The following MYO16 variants were observed in gnomAD, a reference collection of about 807,000 sequenced individuals.
The protein encoded by MYO16 is myosin XVI.
Under a neutral mutation model 205.3 loss-of-function variants are expected in MYO16, and 94 were observed. That is an observed-to-expected ratio of 0.46 (90% CI 0.39 to 0.54). The LOEUF (loss-of-function observed/expected upper bound fraction) is 0.54. Ranked by LOEUF, MYO16 falls within the 20% of genes least tolerant of loss-of-function variation. The pLI, the probability that MYO16 is intolerant of heterozygous loss-of-function variation, is 0.00. For missense variants in MYO16, 2,315 were observed against 2,387.5 expected, an observed-to-expected ratio of 0.97 and a Z score of 0.63; for synonymous variants, 988 against 954.0, an observed-to-expected ratio of 1.04 and a Z score of -0.66.
At chr13:108,835,950 A>G (rs9521068) in intron 9 of MYO16, among the ~76,000 whole-genome samples, 86,374 of 151,980 alleles carry the variant, frequency 0.57, 26,486 homozygotes, top group Middle Eastern at 0.72. Flanking sequence ...TCTTGGGGAA[A>G]AATTCAAGCC....
chr13:108,714,135 C>T (rs979715961), intron 3 of MYO16, among the ~76,000 whole-genome samples: 1 of 152,156 alleles, frequency 6.6e-6, no homozygotes. Context: ...CGGCTCACTG[C>T]AAGCTCCGTC....
rs375563203 is a variant in MYO16 at position 108,921,230 on chromosome 13, T to C, written c.1925+11080T>C. On this transcript the variant is annotated intron_variant, in intron 16 of 34. Coordinates refer to ENST00000457511, the MANE Select transcript of MYO16 (RefSeq NM_001198950.3). ...TGTACCGGGCAACCCCAAGCCACCT[T>C]GTCCACCGGGCCTTCCTCTGGGTCT... 2.6e-4 allele frequency among the ~76,000 whole-genome samples: 40 copies of C among 152,294 alleles called. No individual in the cohort carries two copies. In the East Asian group the frequency reaches 5.2e-3, roughly 20 times the overall value.
In MYO16 at chr13:108,629,747, C is replaced by T; in HGVS notation, c.-98C>T. 3 of 1,164,040 alleles carry T rather than the reference C, an allele frequency of 2.6e-6. No homozygotes were observed. Among genetic ancestry groups the T allele is most frequent in the Non-Finnish European group, 3.7e-6 (3 of 821,062 alleles). The allele number at this position is 1,164,040 out of a possible 1,614,324, so 72.1% of individuals were successfully genotyped here. A position where few individuals can be genotyped will look rare whatever the true frequency, so the allele number is the denominator to read the frequency against. ...AGTGCATCCTGAGGTAAACTGTTAC[C>T]TGAGTAAGGGCTTTAAGTAATGCAT... is the stretch of plus-strand genomic sequence containing the variant. On this transcript the variant is annotated 5_prime_UTR_variant, in exon 1 of 35. Coordinates refer to ENST00000457511, the MANE Select transcript of MYO16 (RefSeq NM_001198950.3).
intron 8 of MYO16, among the ~76,000 whole-genome samples, chr13:108,820,733 C>T (rs1357299263): frequency 6.6e-6 from 1 of 152,152 alleles, no homozygotes; most frequent in East Asian, 1.9e-4. Context: ...TACATTTTTA[C>T]TGTTATTTAA....
chr13:108,682,781 G>A (rs1179712146), intron 2 of MYO16, among the ~76,000 whole-genome samples: 2 of 152,114 alleles, frequency 1.3e-5, no homozygotes, highest in African/African-American at 4.8e-5. Flanking sequence ...TGTCTGTTAA[G>A]AGGCCGTTTC....
rs370274433 is a variant in MYO16 at position 108,802,052 on chromosome 13, C to T, written c.742-4627C>T. Among the ~76,000 whole-genome samples, 3 of 152,316 alleles carry T rather than the reference C, an allele frequency of 2.0e-5. No individual in the cohort carries two copies. In the East Asian group the frequency reaches 5.8e-4, roughly 29 times the overall value. ...TACACTGTGAAATGATTAAATCACA[C>T]TAAGTTAACCTATCCACCACTTTTC... On this transcript the variant is annotated intron_variant, in intron 6 of 34. Transcript: ENST00000457511.
rs1279924817 is a variant in MYO16 at position 109,046,007 on chromosome 13, GCTCGCCCTCCCTCATGGCGGATC to G, written c.2797-867_2797-845del. Reference sequence around the variant, plus strand: ...AGGCAAATTCTCCCTCACGGCGGATGCTCGCCCTCCCTCATGGCGGATCCTCGCCCTCCCTCATGGCGGATCCT... The same window carrying G: ...AGGCAAATTCTCCCTCACGGCGGATGCTCGCCCTCCCTCATGGCGGATCCT... On this transcript the variant is annotated intron_variant, in intron 23 of 34. Transcript: ENST00000457511. Among the ~76,000 whole-genome samples, 351 of 151,816 alleles carry G rather than the reference GCTCGCCCTCCCTCATGGCGGATC, an allele frequency of 2.3e-3. No individual in the cohort carries two copies. The Middle Eastern group carries it at 0.024, about 10-fold the overall frequency.
the MYO16 span, among the ~76,000 whole-genome samples, chr13:108,516,174 C>T: frequency 1.3e-5 from 2 of 152,082 alleles, no homozygotes; most frequent in Admixed American, 6.5e-5. Flanking sequence ...GATATAGTCT[C>T]GTGGTGCGCC....
rs952555361 is a variant in MYO16, at chr13:108,886,591, C to T, written c.1554-1781C>T. 2.3e-5 allele frequency: 10 copies of T among 429,772 alleles called. No homozygotes were observed. In the East Asian group the frequency reaches 5.0e-4, roughly 21 times the overall value. The allele number at this position is 429,772 out of a possible 1,614,324, so 26.6% of individuals were successfully genotyped here. ...TTAGGGCGCAAACTGCTGGCGGCTCCACCCCCCGTCCTTCCAGTGCGCATG... is the reference window on the plus strand; with the variant it reads ...TTAGGGCGCAAACTGCTGGCGGCTCTACCCCCCGTCCTTCCAGTGCGCATG... On this transcript the variant is annotated intron_variant, in intron 13 of 34. Transcript: ENST00000457511.
intron 16 of MYO16, among the ~76,000 whole-genome samples, chr13:108,918,007 T>C (rs1881575303): frequency 6.6e-6 from 1 of 152,246 alleles, no homozygotes; most frequent in South Asian, 2.1e-4. Flanking sequence ...CTAACCAGCA[T>C]GGGGCAGAGT....
chr13:109,090,321 G>A (rs551278108), intron 27 of MYO16, among the ~76,000 whole-genome samples: 14 of 152,348 alleles, frequency 9.2e-5, no homozygotes, highest in East Asian at 3.9e-4. Context: ...AAAAGCCATC[G>A]CAAGATATAG....
upstream of MYO16, among the ~76,000 whole-genome samples, chr13:108,592,836 C>T (rs1878441400): frequency 6.6e-6 from 1 of 151,628 alleles, no homozygotes; most frequent in Non-Finnish European, 1.5e-5. Context: ...TACATGATGA[C>T]AATTATTGCT....
intron 1 of MYO16, among the ~76,000 whole-genome samples, chr13:108,637,683 T>C (rs760297505): frequency 2.0e-5 from 3 of 152,056 alleles, no homozygotes; most frequent in Non-Finnish European, 2.9e-5. Context: ...GAGACCAGCC[T>C]GACCAACATG....
intron 27 of MYO16, among the ~76,000 whole-genome samples, chr13:109,098,450 A>T (rs760330990): frequency 1.3e-5 from 2 of 152,160 alleles, no homozygotes. Context: ...GAGGTGGTAG[A>T]TGGTTGGCAA....
intron 1 of MYO16, among the ~76,000 whole-genome samples, chr13:108,620,117 A>C (rs1238004603): frequency 6.6e-6 from 1 of 152,148 alleles, no homozygotes; most frequent in African/African-American, 2.4e-5. Context: ...ATTAGTACCC[A>C]CTACATTGTT....
At chr13:108,568,574 C>G in the MYO16 span, among the ~76,000 whole-genome samples, 1 of 152,016 alleles carries the variant, frequency 6.6e-6, no homozygotes, top group East Asian at 1.9e-4. Context: ...TTTATATGTC[C>G]TGGATAGCAG....
intron 32 of MYO16, among the ~76,000 whole-genome samples, chr13:109,147,669 T>C (rs1877409061): frequency 6.6e-6 from 1 of 152,072 alleles, no homozygotes; most frequent in African/African-American, 2.4e-5. Context: ...CAGTGATTTA[T>C]TTGTGTGTGG....
At chr13:108,813,710 CTCTT>C (rs779922676) in intron 7 of MYO16, among the ~76,000 whole-genome samples, 125 of 152,274 alleles carry the variant, frequency 8.2e-4, no homozygotes, top group Non-Finnish European at 1.4e-3. Context: ...CACACTCTCT[CTCTT>C]TCTCTCTGAA....
chr13:108,632,434 C>G (rs1880029124), intron 1 of MYO16, among the ~76,000 whole-genome samples: 1 of 152,130 alleles, frequency 6.6e-6, no homozygotes, highest in Admixed American at 6.6e-5. Context: ...CCTAGTGAAT[C>G]ACAGGAAGCC....
Sources: gnomAD v4.1 joint callset for allele counts (sites outside exome capture counted in the v4.1 genomes callset) on GRCh38, gnomAD v4.1.1 for gene constraint, MANE v1.5 for transcripts, NCBI Gene and HGNC (gene_info 2026-07-23, HGNC 2026-07-21) for gene names.